The following ERO1A variants were observed in gnomAD, a reference collection of about 807,000 sequenced individuals.
The protein encoded by ERO1A is endoplasmic reticulum oxidoreductase 1 alpha.
In ERO1A, 49 loss-of-function variants were observed where a neutral mutation model predicts 76.9. That is an observed-to-expected ratio of 0.64 (90% CI 0.51 to 0.81). ERO1A has a LOEUF of 0.81. Ranked by LOEUF, ERO1A falls within the 30% of genes least tolerant of loss-of-function variation. The pLI is 0.00. For missense variants in ERO1A, 448 were observed against 542.1 expected (o/e 0.83, Z 1.72); for synonymous variants, 174 against 181.2 (o/e 0.96, Z 0.32).
At chr14:52,649,414 T>A (rs1304914916) in intron 13 of ERO1A, among the ~76,000 whole-genome samples, 1 of 152,192 alleles carries the variant, frequency 6.6e-6, no homozygotes, top group Non-Finnish European at 1.5e-5. Context: ...TACCAGAAAC[T>A]GCTTTTTAAA....
intron 3 of ERO1A, among the ~76,000 whole-genome samples, chr14:52,679,114 C>G (rs1388165197): frequency 3.3e-5 from 5 of 152,112 alleles, no homozygotes. Flanking sequence ...TTAGGCCTCA[C>G]CAGAAGCCAA....
intron 3 of ERO1A, among the ~76,000 whole-genome samples, chr14:52,681,215 G>T (rs1166680749): frequency 6.6e-6 from 1 of 152,110 alleles, no homozygotes; most frequent in African/African-American, 2.4e-5. Flanking sequence ...TAGCAAAAAG[G>T]TAGAAATAAC....
At chr14:52,673,539 T>C (rs781547851) in intron 4 of ERO1A, among the ~76,000 whole-genome samples, 14 of 152,228 alleles carry the variant, frequency 9.2e-5, no homozygotes, top group Non-Finnish European at 1.6e-4. Context: ...CAATCAATAC[T>C]ACTGAGAAGC....
Position 52,671,704 on chromosome 14 carries a change from C to T in ERO1A, c.435-1G>A, listed in dbSNP as rs776841620. On this transcript the variant is annotated splice_acceptor_variant, in intron 5 of 15. Coordinates refer to ENST00000395686, the MANE Select transcript of ERO1A (RefSeq NM_014584.3). LOFTEE classifies it high-confidence loss of function. ...AAGAACAGCCTTCTGTGTTTCCTCACTTCAAACAAAGAAAAAAAATAACAT... is the reference window on the plus strand; with the variant it reads ...AAGAACAGCCTTCTGTGTTTCCTCATTTCAAACAAAGAAAAAAAATAACAT... The T allele has an allele frequency of 1.3e-6, 2 of 1,599,266 alleles. No individual in the cohort carries two copies. Among genetic ancestry groups the T allele is most frequent in the African/African-American group, 1.3e-5 (1 of 74,302 alleles).
chr14:52,676,076 A>C (rs2040774025), intron 4 of ERO1A, among the ~76,000 whole-genome samples: 1 of 152,180 alleles, frequency 6.6e-6, no homozygotes, highest in South Asian at 2.1e-4. Context: ...TTTGATTTTC[A>C]TATGGCCAGT....
chr14:52,655,493 C>T (rs1437555375), intron 11 of ERO1A, among the ~76,000 whole-genome samples: 1 of 152,158 alleles, frequency 6.6e-6, no homozygotes, highest in Non-Finnish European at 1.5e-5. Context: ...CTATGATACA[C>T]TTACAGCACA....
chr14:52,694,627 T>A (rs1459339428), intron 1 of ERO1A, among the ~76,000 whole-genome samples: 1 of 151,930 alleles, frequency 6.6e-6, no homozygotes, highest in Admixed American at 6.6e-5. Flanking sequence ...ATACTGAAGA[T>A]AATGGAAAAC....
At chr14:52,687,526 T>TA (rs2041217636) in intron 1 of ERO1A, among the ~76,000 whole-genome samples, 1 of 152,194 alleles carries the variant, frequency 6.6e-6, no homozygotes, top group Non-Finnish European at 1.5e-5. Flanking sequence ...AAAATCCTAT[T>TA]ACCTCAACTA....
rs1424653298 is a variant in ERO1A, at chr14:52,640,166, G to T, written c.*3404C>A. The T allele has an allele frequency of 6.6e-6, 1 of 152,180 alleles. No homozygotes were observed. The highest frequency in any genetic ancestry group is 6.5e-5 in the Admixed American group (1 of 15,270). 9.4% of individuals were successfully genotyped at this position (152,180 alleles called of 1,614,324 possible). ...CTGCCCTTAAGGAGCTCACATTCTAGTAAAGACTTTTGAAAAATAAAACAA... is the reference window on the plus strand; with the variant it reads ...CTGCCCTTAAGGAGCTCACATTCTATTAAAGACTTTTGAAAAATAAAACAA... On this transcript the variant is annotated 3_prime_UTR_variant, in exon 16 of 16. Transcript: ENST00000395686.
intron 4 of ERO1A, among the ~76,000 whole-genome samples, chr14:52,674,064 T>C (rs1311959441): frequency 2.6e-5 from 4 of 152,276 alleles, no homozygotes; most frequent in Admixed American, 2.6e-4. Context: ...AAAATTTATA[T>C]GTGTACTACC....
chr14:52,678,787 A>C (rs2040889131), intron 3 of ERO1A, among the ~76,000 whole-genome samples: 1 of 152,136 alleles, frequency 6.6e-6, no homozygotes, highest in South Asian at 2.1e-4. Context: ...TGCTGACTTG[A>C]TATTGACACC....
chr14:52,648,734 A>T (rs2039754931), intron 13 of ERO1A, among the ~76,000 whole-genome samples: 2 of 152,212 alleles, frequency 1.3e-5, no homozygotes, highest in African/African-American at 4.8e-5. Context: ...TTGCTTTTGT[A>T]GACGCTAATT....
In ERO1A at chr14:52,666,405, C is replaced by T. The variant is rs2040412222; in HGVS notation, c.599G>A (p.Trp200Ter). ...ACAGTTTTCTTCGTAGATGACATTC[C>T]ATATTTTCCAAGCATCTGGTCCCTT... Reference protein sequence around the residue: ...GYKGPDAWKIWNVIYEENCFK... With the variant: ...GYKGPDAWKI Residue 200 changes from tryptophan (W) to a stop codon, truncating the protein, a stop_gained, in exon 7 of 16, where the codon TGG (tryptophan) becomes TAG (stop). Coordinates refer to ENST00000395686, the MANE Select transcript of ERO1A (RefSeq NM_014584.3). LOFTEE classifies it high-confidence loss of function. 1 of 1,607,494 alleles carries T rather than the reference C, an allele frequency of 6.2e-7. No homozygotes were observed. The highest frequency in any genetic ancestry group is 1.3e-5 in the African/African-American group (1 of 74,502).
chr14:52,657,069 C>T (rs1330316723), intron 11 of ERO1A, among the ~76,000 whole-genome samples: 1 of 152,174 alleles, frequency 6.6e-6, no homozygotes, highest in Non-Finnish European at 1.5e-5. Context: ...CACCAGGGTG[C>T]CATGTCAGTT....
rs772702166 is a variant in ERO1A at position 52,666,510 on chromosome 14, G to C, written c.509-15C>G. The C allele has an allele frequency of 3.1e-6, 5 of 1,598,180 alleles. No individual in the cohort carries two copies. In the East Asian group the frequency reaches 1.1e-4, roughly 36 times the overall value. ...GGACTGAATGTCTGTAAAATAAAAT[G>C]TCTTATTAAACCTTTCTTATCCTCA... On this transcript the variant is annotated splice_polypyrimidine_tract_variant and intron_variant, in intron 6 of 15. Transcript: ENST00000395686.
intron 6 of ERO1A, among the ~76,000 whole-genome samples, chr14:52,670,343 A>C (rs1285534597): frequency 1.3e-5 from 2 of 152,218 alleles, no homozygotes; most frequent in African/African-American, 4.8e-5. Context: ...AAAAAGGAAG[A>C]ATTGGAAAAT....
chr14:52,690,691 ACT>A (rs1410631425), intron 1 of ERO1A, among the ~76,000 whole-genome samples: 1 of 152,108 alleles, frequency 6.6e-6, no homozygotes, highest in Admixed American at 6.5e-5. Flanking sequence ...ACAAAGTGAG[ACT>A]CTGTCTCAAA....
intron 3 of ERO1A, among the ~76,000 whole-genome samples, chr14:52,680,822 T>C (rs970191053): frequency 2.0e-5 from 3 of 152,214 alleles, no homozygotes; most frequent in Non-Finnish European, 2.9e-5. Context: ...AACATGCTTC[T>C]CATTCTCATG....
chr14:52,679,129 A>C (rs2040900986), intron 3 of ERO1A, among the ~76,000 whole-genome samples: 1 of 152,262 alleles, frequency 6.6e-6, no homozygotes, highest in Non-Finnish European at 1.5e-5. Context: ...AGCCAAGCAG[A>C]CGCTGGCACC....
Sources: allele counts gnomAD v4.1 joint callset (sites outside exome capture counted in the v4.1 genomes callset), GRCh38; gene constraint gnomAD v4.1.1; transcripts MANE v1.5; gene names NCBI Gene and HGNC (gene_info 2026-07-23, HGNC 2026-07-21).